BCAS3: variants seen among roughly 807,000 people sequenced by gnomAD.
BCAS3 encodes BCAS3 microtubule associated cell migration factor.
A neutral mutation model predicts 116.1 loss-of-function variants in BCAS3; 53 were observed. The observed-to-expected ratio is 0.46, with a 90% CI of 0.37 to 0.57. The LOEUF (loss-of-function observed/expected upper bound fraction) is 0.57. Ranked by LOEUF, BCAS3 falls within the 20% of genes least tolerant of loss-of-function variation. The pLI, the probability that BCAS3 is intolerant of heterozygous loss-of-function variation, is 0.00. For synonymous variants in BCAS3, 391 were observed against 408.2 expected, an observed-to-expected ratio of 0.96 and a Z score of 0.51; for missense variants, 917 against 1,165.4, an observed-to-expected ratio of 0.79 and a Z score of 3.10.
In BCAS3 at chr17:61,214,655, C is replaced by G. The variant is rs1458214179; in HGVS notation, c.2425+130091C>G. ...GCAGTGAGCCGAGATCGCGCCACTG[C>G]ACTCCAGCCTGGGCGACAGAGCAAG... On this transcript the variant is annotated intron_variant, in intron 22 of 23. Transcript: ENST00000407086. The surrounding 1 kb of genome is among the most constrained non-coding windows in gnomAD (Gnocchi z 4.4). Among the ~76,000 whole-genome samples, 1 of 151,910 alleles carries G rather than the reference C, an allele frequency of 6.6e-6. No homozygotes were observed. Among genetic ancestry groups the G allele is most frequent in the African/African-American group, 2.4e-5 (1 of 41,350 alleles).
chr17:61,179,230 T>G (rs552774388), intron 22 of BCAS3, among the ~76,000 whole-genome samples: 3 of 152,210 alleles, frequency 2.0e-5, no homozygotes, highest in Non-Finnish European at 4.4e-5. Context: ...TGTTCTTATT[T>G]TAAGTTTTTC....
chr17:61,211,201 T>C lies in BCAS3; in HGVS notation c.2425+126637T>C, dbSNP rs868705371. On this transcript the variant is annotated intron_variant, in intron 22 of 23. Coordinates refer to ENST00000407086, the MANE Select transcript of BCAS3 (RefSeq NM_017679.5). The surrounding 1 kb of genome is among the most constrained non-coding windows in gnomAD (Gnocchi z 4.4). ...CAAAAAAGGTTGGAACCACCTCTGC[T>C]TCCCTTTCCCCACTCTGTAATCAGT... Among the ~76,000 whole-genome samples the C allele has an allele frequency of 2.0e-5, 3 of 152,234 alleles. No homozygotes were observed. Among genetic ancestry groups the C allele is most frequent in the South Asian group, 4.1e-4 (2 of 4,832 alleles).
chr17:60,840,143 ATAATT>A (rs2051762458), intron 7 of BCAS3, among the ~76,000 whole-genome samples: 1 of 152,192 alleles, frequency 6.6e-6, no homozygotes, highest in African/African-American at 2.4e-5. Flanking sequence ...ACTGTTACAA[ATAATT>A]AAAAAATAGA....
At chr17:60,699,341 A>G (rs984423837) in intron 4 of BCAS3, among the ~76,000 whole-genome samples, 2 of 152,052 alleles carry the variant, frequency 1.3e-5, no homozygotes, top group African/African-American at 4.8e-5. Flanking sequence ...CAGCCTCTCC[A>G]GTAGCTAGGA....
At chr17:61,059,739 T>A (rs1339733350) in intron 19 of BCAS3, among the ~76,000 whole-genome samples, 4 of 152,102 alleles carry the variant, frequency 2.6e-5, no homozygotes, top group Non-Finnish European at 5.9e-5. Context: ...GAAAGAAATT[T>A]TACTGGCTGG....
At chr17:60,736,815 C>G (rs1056446447) in intron 5 of BCAS3, among the ~76,000 whole-genome samples, 1 of 152,014 alleles carries the variant, frequency 6.6e-6, no homozygotes, top group Non-Finnish European at 1.5e-5. Flanking sequence ...TAGAGTTGTT[C>G]GTAATGTTCC....
In BCAS3 at chr17:61,203,460, T is replaced by G. The variant is rs934963800; in HGVS notation, c.2425+118896T>G. 3.3e-5 allele frequency among the ~76,000 whole-genome samples: 5 copies of G among 152,100 alleles called. No homozygotes were observed. The highest frequency in any genetic ancestry group is 1.9e-4 in the East Asian group (1 of 5,192). Reference sequence around the variant, plus strand: ...TGTGAGCCACCGCGCCTGGGCTTCATTACAATTTTTATTTTGTCTTCCTGA... The same window carrying G: ...TGTGAGCCACCGCGCCTGGGCTTCAGTACAATTTTTATTTTGTCTTCCTGA... On this transcript the variant is annotated intron_variant, in intron 22 of 23. Transcript: ENST00000407086. This position sits in a 1 kb window ranked among gnomAD's most constrained non-coding sequence, Gnocchi z 5.7.
intron 22 of BCAS3, among the ~76,000 whole-genome samples, chr17:61,280,352 A>G (rs2051134589): frequency 6.6e-6 from 1 of 152,208 alleles, no homozygotes; most frequent in African/African-American, 2.4e-5. Context: ...ACAGTAGTCC[A>G]CCTCAAAGAC....
At chr17:61,389,566 G>C (rs1005995193) in intron 23 of BCAS3, 1 of 152,542 alleles carries the variant, frequency 6.6e-6, no homozygotes, top group Non-Finnish European at 1.5e-5. Flanking sequence ...GCTTAGCCAG[G>C]GCAGAGGCAG....
chr17:61,079,895 T>A (rs2072410072), intron 21 of BCAS3, among the ~76,000 whole-genome samples: 2 of 143,248 alleles, frequency 1.4e-5, no homozygotes, highest in African/African-American at 2.6e-5. Flanking sequence ...TTTTTTTTTT[T>A]TTTTTTTTTT....
At chr17:61,216,376 T>A (rs867673919) in intron 22 of BCAS3, among the ~76,000 whole-genome samples, 18 of 152,310 alleles carry the variant, frequency 1.2e-4, no homozygotes, top group Middle Eastern at 3.4e-3. Context: ...GAAGCTTTTT[T>A]CTTTCAGCAG....
chr17:60,767,993 T>C (rs2044286996), intron 6 of BCAS3, among the ~76,000 whole-genome samples: 1 of 152,146 alleles, frequency 6.6e-6, no homozygotes, highest in Non-Finnish European at 1.5e-5. Context: ...AGGAACAGGA[T>C]CTCACTATGT....
At chr17:60,889,650 A>G in intron 9 of BCAS3, 45 bp from the exon 10 acceptor site, 1 of 1,504,538 alleles carries the variant, frequency 6.6e-7, no homozygotes, top group African/African-American at 1.4e-5. Context: ...ACCAACAGAA[A>G]AGTTATTAAG....
At position 61,151,683 on chromosome 17, in the gene BCAS3, C is replaced by T. The variant is rs1190001680; in HGVS notation, c.2425+67119C>T. 3.3e-5 allele frequency among the ~76,000 whole-genome samples: 5 copies of T among 152,102 alleles called. No individual in the cohort carries two copies. The highest frequency in any genetic ancestry group is 6.5e-5 in the Admixed American group (1 of 15,274). On this transcript the variant is annotated intron_variant, in intron 22 of 23. Transcript: ENST00000407086. This position sits in a 1 kb window ranked among gnomAD's most constrained non-coding sequence, Gnocchi z 4.8. Reference sequence around the variant, plus strand: ...ATTTTACCCAGACTGGTCTTGAATTCCTGGGCTCAAGTGAGCCTCCTGCCT... The same window carrying T: ...ATTTTACCCAGACTGGTCTTGAATTTCTGGGCTCAAGTGAGCCTCCTGCCT...
Position 61,068,369 on chromosome 17 carries a change from G to A in BCAS3, c.2030-6551G>A, listed in dbSNP as rs1310256273. ...AAAAGTATGAGGTAAGGGATTTGGG[G>A]ACATTTTGTCCTAATTGTCACCACT... On this transcript the variant is annotated intron_variant, in intron 19 of 23. Coordinates refer to ENST00000407086, the MANE Select transcript of BCAS3 (RefSeq NM_017679.5). This position sits in a 1 kb window ranked among gnomAD's most constrained non-coding sequence, Gnocchi z 4.3. Among the ~76,000 whole-genome samples the A allele has an allele frequency of 2.0e-5, 3 of 152,132 alleles. No individual in the cohort carries two copies. The highest frequency in any genetic ancestry group is 2.9e-5 in the Non-Finnish European group (2 of 68,018).
At chr17:61,371,775 C>T (rs551906795) in intron 23 of BCAS3, among the ~76,000 whole-genome samples, 2 of 152,256 alleles carry the variant, frequency 1.3e-5, no homozygotes, top group Admixed American at 6.5e-5. Flanking sequence ...AGCCAGGCGC[C>T]GGTGAGAAAT....
rs1375872646 is a variant in BCAS3 at position 61,211,010 on chromosome 17, TTC to T, written c.2425+126447_2425+126448del. On this transcript the variant is annotated intron_variant, in intron 22 of 23. Transcript: ENST00000407086. This position sits in a 1 kb window ranked among gnomAD's most constrained non-coding sequence, Gnocchi z 4.4. ...CCCACAGAGATGATGAGCCAAAGGC[TTC>T]CCTAAGCTAGGGTCCCATAGTCTTC... Among the ~76,000 whole-genome samples, 2 of 152,024 alleles carry T rather than the reference TTC, an allele frequency of 1.3e-5. No individual in the cohort carries two copies. Among genetic ancestry groups the T allele is most frequent in the Non-Finnish European group, 2.9e-5 (2 of 68,006 alleles).
At chr17:61,221,797 G>A (rs1302819714) in intron 22 of BCAS3, among the ~76,000 whole-genome samples, 2 of 152,192 alleles carry the variant, frequency 1.3e-5, no homozygotes, top group African/African-American at 4.8e-5. Flanking sequence ...GTGGGCTACA[G>A]GAGAGTATGA....
chr17:61,268,519 A>C (rs893387962), intron 22 of BCAS3, among the ~76,000 whole-genome samples: 1 of 152,106 alleles, frequency 6.6e-6, no homozygotes, highest in Non-Finnish European at 1.5e-5. Flanking sequence ...ATCATACAAA[A>C]CTGAAACTCT....
Sources: allele counts gnomAD v4.1 joint callset (sites outside exome capture counted in the v4.1 genomes callset), GRCh38; gene constraint gnomAD v4.1.1; non-coding constraint Gnocchi (gnomAD v3.1); transcripts MANE v1.5; gene names NCBI Gene and HGNC (gene_info 2026-07-23, HGNC 2026-07-21).